The following OSBPL6 variants were observed in gnomAD, a reference collection of about 807,000 sequenced individuals.
The protein encoded by OSBPL6 is oxysterol binding protein like 6.
In OSBPL6, 49 loss-of-function variants were observed where a neutral mutation model predicts 125.8. The observed-to-expected ratio is 0.39, with a 90% confidence interval of 0.31 to 0.49. The LOEUF is 0.49. OSBPL6 is among the 20% of genes least tolerant of loss of function. The pLI is 0.88. For missense variants in OSBPL6, 986 were observed against 1,135.4 expected (o/e 0.87, Z 1.89); for synonymous variants, 394 against 391.8 (o/e 1.01, Z -0.07).
intron 2 of OSBPL6, among the ~76,000 whole-genome samples, chr2:178,299,612 G>A (rs1312902139): frequency 6.6e-6 from 1 of 152,014 alleles, no homozygotes; most frequent in Non-Finnish European, 1.5e-5. Flanking sequence ...ATCCAGAGTA[G>A]CCCAGATGAA....
At chr2:178,254,630 A>G (rs2091820414) in intron 1 of OSBPL6, among the ~76,000 whole-genome samples, 1 of 152,238 alleles carries the variant, frequency 6.6e-6, no homozygotes, top group Non-Finnish European at 1.5e-5. Context: ...CTGGGGGCAC[A>G]CAAGATGAAA....
intron 1 of OSBPL6, among the ~76,000 whole-genome samples, chr2:178,251,204 C>T (rs1224846639): frequency 6.6e-6 from 1 of 152,088 alleles, no homozygotes; most frequent in Non-Finnish European, 1.5e-5. Flanking sequence ...GTAGGAAGAG[C>T]CAGATTCCTG....
At chr2:178,278,798 C>T (rs2092521222) in intron 1 of OSBPL6, among the ~76,000 whole-genome samples, 1 of 152,120 alleles carries the variant, frequency 6.6e-6, no homozygotes, top group Non-Finnish European at 1.5e-5. Flanking sequence ...CTAAACATTG[C>T]TGCCAGTGGA....
At chr2:178,379,043 T>C (rs1694156769) in intron 15 of OSBPL6, among the ~76,000 whole-genome samples, 1 of 151,862 alleles carries the variant, frequency 6.6e-6, no homozygotes. Context: ...TGGTGGTGCA[T>C]ACCTGTGGTC....
At chr2:178,295,500 T>C (rs1685667492) in intron 2 of OSBPL6, among the ~76,000 whole-genome samples, 1 of 152,208 alleles carries the variant, frequency 6.6e-6, no homozygotes, top group South Asian at 2.1e-4. Flanking sequence ...GATTGTATGG[T>C]TCACAACGCC....
chr2:178,248,835 AC>A (rs560540817), intron 1 of OSBPL6, among the ~76,000 whole-genome samples: 76 of 152,342 alleles, frequency 5.0e-4, no homozygotes, highest in African/African-American at 1.7e-3. Context: ...GGAAAAAAAA[AC>A]ATCTGAAATC....
At position 178,286,060 on chromosome 2, in the gene OSBPL6, C is replaced by T. The variant is rs576432676; in HGVS notation, c.-156+939C>T. ...TGTTTATTACTGTATTGTTTAAAAGCGCATTTTAGATTAGAGCTTGCAAAG... is the reference window on the plus strand; with the variant it reads ...TGTTTATTACTGTATTGTTTAAAAGTGCATTTTAGATTAGAGCTTGCAAAG... On this transcript the variant is annotated intron_variant, in intron 2 of 24. Transcript: ENST00000190611. Among the ~76,000 whole-genome samples, 143 of 152,222 alleles carry T rather than the reference C, an allele frequency of 9.4e-4. 3 individuals are homozygous for T. The South Asian group carries it at 0.025, about 27-fold the overall frequency.
At chr2:178,319,951 A>G in intron 3 of OSBPL6, among the ~76,000 whole-genome samples, 1 of 152,238 alleles carries the variant, frequency 6.6e-6, no homozygotes, top group East Asian at 1.9e-4. Context: ...AGAGCAGTGG[A>G]CCAATTCTCT....
intron 23 of OSBPL6, among the ~76,000 whole-genome samples, chr2:178,393,736 C>G (rs1207450221): frequency 1.3e-5 from 2 of 152,100 alleles, no homozygotes; most frequent in African/African-American, 2.4e-5. Context: ...TTCAGTGTTC[C>G]TTTTCTGAAT....
intron 11 of OSBPL6, among the ~76,000 whole-genome samples, chr2:178,341,865 TCTACTACTGG>T (rs1690237744): frequency 6.6e-6 from 1 of 152,164 alleles, no homozygotes; most frequent in African/African-American, 2.4e-5. Flanking sequence ...ATACTCATTC[TCTACTACTGG>T]GAAGTTCCTC....
chr2:178,235,079 A>G (rs1014451546), intron 1 of OSBPL6, among the ~76,000 whole-genome samples: 2 of 152,228 alleles, frequency 1.3e-5, no homozygotes, highest in African/African-American at 2.4e-5. Flanking sequence ...TTATACAAAG[A>G]ACATACTTAA....
intron 1 of OSBPL6, among the ~76,000 whole-genome samples, chr2:178,221,665 C>G (rs190608042): frequency 2.6e-5 from 4 of 152,196 alleles, no homozygotes; most frequent in Admixed American, 2.0e-4. Context: ...TCTATTCTTA[C>G]AGAGATGAGG....
intron 1 of OSBPL6, among the ~76,000 whole-genome samples, chr2:178,197,586 T>C (rs1310181688): frequency 6.6e-6 from 1 of 152,162 alleles, no homozygotes; most frequent in Admixed American, 6.5e-5. Flanking sequence ...AAAATTTAAT[T>C]TATAAATTAG....
chr2:178,231,474 A>G (rs993425243), intron 1 of OSBPL6, among the ~76,000 whole-genome samples: 1 of 152,068 alleles, frequency 6.6e-6, no homozygotes, highest in Non-Finnish European at 1.5e-5. Context: ...TCGATTTTAC[A>G]GGCTGCTCTT....
At chr2:178,394,774 T>C (rs976350476) in intron 24 of OSBPL6, among the ~76,000 whole-genome samples, 1 of 152,192 alleles carries the variant, frequency 6.6e-6, no homozygotes, top group Non-Finnish European at 1.5e-5. Flanking sequence ...AAGATCATCC[T>C]GGCTTTTATT....
chr2:178,270,658 T>G (rs908170758), intron 1 of OSBPL6, among the ~76,000 whole-genome samples: 2 of 152,232 alleles, frequency 1.3e-5, no homozygotes, highest in Non-Finnish European at 2.9e-5. Context: ...AGTTGGATGT[T>G]TGATATGAAT....
At chr2:178,349,163 T>C in intron 11 of OSBPL6, 61 bp from the exon 12 acceptor site, 2 of 1,524,498 alleles carry the variant, frequency 1.3e-6, no homozygotes, top group Non-Finnish European at 1.8e-6. Context: ...GTCTTTTCTA[T>C]GTAGGAGAAT....
intron 15 of OSBPL6, among the ~76,000 whole-genome samples, chr2:178,376,399 G>T (rs553008593): frequency 2.0e-5 from 3 of 151,692 alleles, no homozygotes; most frequent in Non-Finnish European, 2.9e-5. Context: ...ATTCACTCGG[G>T]TTCTATAGCT....
At chr2:178,241,599 A>G (rs999969743) in intron 1 of OSBPL6, among the ~76,000 whole-genome samples, 7 of 151,878 alleles carry the variant, frequency 4.6e-5, no homozygotes, top group Non-Finnish European at 1.0e-4. Context: ...AATTTTTAGT[A>G]GAGACGGGGT....
Sources: gnomAD v4.1 joint callset for allele counts (sites outside exome capture counted in the v4.1 genomes callset) on GRCh38, gnomAD v4.1.1 for gene constraint, MANE v1.5 for transcripts, NCBI Gene and HGNC (gene_info 2026-07-23, HGNC 2026-07-21) for gene names.